Variants in DAAM1 observed in about 807,000 individuals in gnomAD.
DAAM1 encodes the protein disheveled-associated activator of morphogenesis 1.
DAAM1 carries 52 observed loss-of-function variants against 130.0 expected under a neutral mutation model. The observed-to-expected ratio is 0.40, with a 90% CI of 0.32 to 0.50. The LOEUF (loss-of-function observed/expected upper bound fraction) is 0.50. DAAM1 is among the 20% of genes least tolerant of loss of function. The pLI is 0.61. For missense variants in DAAM1, 1,134 were observed against 1,303.8 expected (o/e 0.87, Z 2.01); for synonymous variants, 452 against 444.5 (o/e 1.02, Z -0.21).
In DAAM1 at chr14:59,354,415, G is replaced by T. The variant is rs73299914; in HGVS notation, c.2356+451G>T. Among the ~76,000 whole-genome samples the T allele has an allele frequency of 7.8e-3, 1,192 of 152,108 alleles. 13 individuals carry two copies. Among genetic ancestry groups the T allele is most frequent in the African/African-American group, 0.028 (1,148 of 41,498 alleles). ...AGGTCTTTCTTTTAAAATTCTGAGG[G>T]GTGATTACTTAAGGTCAGTGCTTGA... On this transcript the variant is annotated intron_variant, in intron 19 of 24. Coordinates refer to ENST00000360909, the MANE Select transcript of DAAM1 (RefSeq NM_001270520.2).
At chr14:59,297,387 G>A (rs928349813) in intron 3 of DAAM1, among the ~76,000 whole-genome samples, 2 of 152,166 alleles carry the variant, frequency 1.3e-5, no homozygotes, top group Non-Finnish European at 2.9e-5. Flanking sequence ...AATTATGTGC[G>A]AGAATGTTTT....
At chr14:59,203,135 G>C (rs1479569928) in intron 1 of DAAM1, among the ~76,000 whole-genome samples, 1 of 150,198 alleles carries the variant, frequency 6.7e-6, no homozygotes, top group East Asian at 2.0e-4. Context: ...AGGACTACAG[G>C]CACCCGCCAC....
At chr14:59,257,160 A>C (rs895751702) in intron 1 of DAAM1, among the ~76,000 whole-genome samples, 5 of 152,122 alleles carry the variant, frequency 3.3e-5, no homozygotes, top group Admixed American at 6.5e-5. Context: ...GATTGGCTTC[A>C]AATGTCTTGG....
At chr14:59,312,541 T>C (rs1340053285) in intron 3 of DAAM1, among the ~76,000 whole-genome samples, 1 of 152,158 alleles carries the variant, frequency 6.6e-6, no homozygotes, top group Non-Finnish European at 1.5e-5. Context: ...AAGTCCCAGA[T>C]ATAGCTGTGA....
chr14:59,287,738 C>A (rs1410671896), intron 2 of DAAM1, among the ~76,000 whole-genome samples: 1 of 151,996 alleles, frequency 6.6e-6, no homozygotes, highest in Non-Finnish European at 1.5e-5. Context: ...AAGATCTCTA[C>A]AATGAGAATT....
In DAAM1 at chr14:59,369,060, A is replaced by G. The variant is rs532155171; in HGVS notation, c.*201A>G. 9.3e-6 allele frequency: 5 copies of G among 539,462 alleles called. No individual in the cohort carries two copies. Among genetic ancestry groups the G allele is most frequent in the African/African-American group, 1.9e-5 (1 of 52,312 alleles). 33.4% of individuals were successfully genotyped at this position (539,462 alleles called of 1,614,324 possible). A position where few individuals can be genotyped will look rare whatever the true frequency, so the allele number is the denominator to read the frequency against. On this transcript the variant is annotated 3_prime_UTR_variant, in exon 25 of 25. Transcript: ENST00000360909. ...ATGTCTGAGTGTTGTCTGGAGACCT[A>G]TACGTATGGTTAAAAAGATTTATGT...
chr14:59,344,311 T>G lies in DAAM1; in HGVS notation c.2076-3228T>G, dbSNP rs573726326. 3.9e-4 allele frequency among the ~76,000 whole-genome samples: 60 copies of G among 152,330 alleles called. 1 individual carries two copies. The South Asian group carries it at 0.012, about 31-fold the overall frequency. On this transcript the variant is annotated intron_variant, in intron 16 of 24. Transcript: ENST00000360909. ...TTACGCCTGGATGTTCCAATTCTCTTGGCAAATTTTTGAAATACTTGAGTA... is the reference window on the plus strand; with the variant it reads ...TTACGCCTGGATGTTCCAATTCTCTGGGCAAATTTTTGAAATACTTGAGTA...
chr14:59,323,994 C>T (rs575802734), intron 6 of DAAM1, 134 bp from the exon 7 acceptor site: 18 of 464,828 alleles, frequency 3.9e-5, no homozygotes, highest in South Asian at 2.0e-4. Context: ...ATCATGCCAC[C>T]GCACTCCAGC....
At chr14:59,292,404 A>G (rs1013233746) in intron 3 of DAAM1, among the ~76,000 whole-genome samples, 16 of 152,068 alleles carry the variant, frequency 1.1e-4, no homozygotes, top group African/African-American at 2.9e-4. Flanking sequence ...CCCCTTTGCT[A>G]TCTTGTGTAA....
intron 2 of DAAM1, among the ~76,000 whole-genome samples, chr14:59,273,970 C>T (rs141968136): frequency 6.6e-6 from 1 of 152,152 alleles, no homozygotes; most frequent in Admixed American, 6.5e-5. Context: ...AATATTTTTA[C>T]TCGCTGTGTC....
At chr14:59,348,945 AT>A (rs1271000045) in intron 17 of DAAM1, among the ~76,000 whole-genome samples, 1 of 152,182 alleles carries the variant, frequency 6.6e-6, no homozygotes, top group African/African-American at 2.4e-5. Context: ...GTTTTATTTA[AT>A]TATCAAAATA....
intron 20 of DAAM1, among the ~76,000 whole-genome samples, chr14:59,358,987 C>G (rs1429062601): frequency 2.6e-5 from 4 of 152,132 alleles, no homozygotes; most frequent in Non-Finnish European, 5.9e-5. Context: ...TAGTTATAAA[C>G]CTGCAGGGCA....
intron 1 of DAAM1, among the ~76,000 whole-genome samples, chr14:59,261,785 G>A (rs1566672661): frequency 6.6e-6 from 1 of 152,190 alleles, no homozygotes; most frequent in Non-Finnish European, 1.5e-5. Context: ...TGGATTATCT[G>A]ATTTGGAAGA....
At chr14:59,288,897 T>C (rs1024252989) in intron 2 of DAAM1, among the ~76,000 whole-genome samples, 1 of 146,188 alleles carries the variant, frequency 6.8e-6, no homozygotes, top group Non-Finnish European at 1.5e-5. Flanking sequence ...CTGTTGTTGT[T>C]TTTGTTTGTT....
Position 59,326,031 on chromosome 14 carries a change from T to C in DAAM1, c.1128T>C (p.Ala376=). The C allele has an allele frequency of 6.2e-7, 1 of 1,614,222 alleles. No homozygotes were observed. The highest frequency in any genetic ancestry group is 8.5e-7 in the Non-Finnish European group (1 of 1,180,028). ...LTRKRLTHSE[A]YPHFMSILHH... Reference sequence around the variant, plus strand: ...GGAAGAGGCTGACACATAGTGAAGCTTACCCGCATTTCATGTCCATCCTGC... The same window carrying C: ...GGAAGAGGCTGACACATAGTGAAGCCTACCCGCATTTCATGTCCATCCTGC... The change falls in exon 10 of 25, where the codon GCT becomes GCC. Residue 376 remains alanine, a synonymous_variant. Transcript: ENST00000360909.
At chr14:59,304,284 A>G (rs1280585612) in intron 3 of DAAM1, among the ~76,000 whole-genome samples, 1 of 152,248 alleles carries the variant, frequency 6.6e-6, no homozygotes, top group Non-Finnish European at 1.5e-5. Flanking sequence ...TTTTTTCACT[A>G]ATAGCTCCAG....
At chr14:59,339,128 A>C (rs565613475) in intron 15 of DAAM1, among the ~76,000 whole-genome samples, 2 of 152,224 alleles carry the variant, frequency 1.3e-5, no homozygotes, top group Non-Finnish European at 2.9e-5. Context: ...GTACTACTTT[A>C]ATTCAGCCCC....
At chr14:59,281,150 G>A in intron 2 of DAAM1, among the ~76,000 whole-genome samples, 1 of 152,300 alleles carries the variant, frequency 6.6e-6, no homozygotes, top group East Asian at 1.9e-4. Flanking sequence ...AATAACGTTA[G>A]ATCTTCCACC....
At chr14:59,256,357 A>G (rs560551815) in intron 1 of DAAM1, among the ~76,000 whole-genome samples, 173 of 152,336 alleles carry the variant, frequency 1.1e-3, no homozygotes, top group Middle Eastern at 3.4e-3. Context: ...GACTGTTGCT[A>G]CATTGAGAGT....
Sources: allele counts gnomAD v4.1 joint callset (sites outside exome capture counted in the v4.1 genomes callset), GRCh38; gene constraint gnomAD v4.1.1; transcripts MANE v1.5; gene names NCBI Gene and HGNC (gene_info 2026-07-23, HGNC 2026-07-21).